The following ZNF780A variants were observed in gnomAD, a reference collection of about 807,000 sequenced individuals.
The protein encoded by ZNF780A is zinc finger protein 780A.
A neutral mutation model predicts 56.7 loss-of-function variants in ZNF780A; 40 were observed. The ratio of observed to expected loss-of-function variants is 0.71; its 90% CI spans 0.55 to 0.92. ZNF780A has a LOEUF of 0.92. ZNF780A is among the 40% of genes least tolerant of loss of function. The probability of loss-of-function intolerance (pLI) is 0.00; values close to 1 mark genes in which losing one functional copy is unlikely to be tolerated. For synonymous variants in ZNF780A, 231 were observed against 248.3 expected (o/e 0.93, Z 0.66); for missense variants, 672 against 783.3 (o/e 0.86, Z 1.70).
At chr19:40,073,020 T>C, downstream of ZNF780A, 1 of 1,514,952 alleles carries the variant, frequency 6.6e-7, no homozygotes, top group South Asian at 1.3e-5. Flanking sequence ...AATACTTTCC[T>C]TAACGGTAAT....
intron 5 of ZNF780A, among the ~76,000 whole-genome samples, chr19:40,080,202 T>A (rs1974393499): frequency 6.6e-6 from 1 of 152,166 alleles, no homozygotes; most frequent in Non-Finnish European, 1.5e-5. Flanking sequence ...ATGGCTTCAC[T>A]GCTGAATTCT....
intron 5 of ZNF780A, among the ~76,000 whole-genome samples, chr19:40,081,216 A>G (rs1357494044): frequency 7.3e-6 from 1 of 136,920 alleles, no homozygotes; most frequent in East Asian, 2.8e-4. Flanking sequence ...ATAACAGGAA[A>G]AAAAAAAAAA....
rs1343386246 is a variant in ZNF780A, at chr19:40,073,650, G to C, written c.*866C>G. 4 of 985,886 alleles carry C rather than the reference G, an allele frequency of 4.1e-6. No homozygotes were observed. In the African/African-American group the frequency reaches 7.0e-5, roughly 17 times the overall value. The allele number at this position is 985,886 out of a possible 1,614,324, so 61.1% of individuals were successfully genotyped here. ...TCCGAACTCTAAGGTATTTAGTGTGGCTATAAAACGCCCCACATTCCTTAC... is the reference window on the plus strand; with the variant it reads ...TCCGAACTCTAAGGTATTTAGTGTGCCTATAAAACGCCCCACATTCCTTAC... On this transcript the variant is annotated 3_prime_UTR_variant, in exon 6 of 6. Transcript: ENST00000683561.
In ZNF780A at chr19:40,089,646, A is replaced by ACACT. The variant is rs1555744838; in HGVS notation, c.-46+519_-46+520insAGTG. On this transcript the variant is annotated intron_variant, in intron 2 of 5. Coordinates refer to ENST00000683561, the MANE Select transcript of ZNF780A (RefSeq NM_001142578.2). ...CACACACACACACACACACACACTC[A>ACACT]CACACACACGCCTAAAACACAACTG... Among the ~76,000 whole-genome samples the ACACT allele has an allele frequency of 2.8e-4, 43 of 151,072 alleles. No individual in the cohort carries two copies. In the South Asian group the frequency reaches 8.4e-3, roughly 29 times the overall value.
chr19:40,072,632 C>T (rs532135379), downstream of ZNF780A: 16 of 651,152 alleles, frequency 2.5e-5, no homozygotes, highest in Non-Finnish European at 3.4e-5. Flanking sequence ...TCTGTTTTCA[C>T]TCTATTAAAT....
Position 40,074,523 on chromosome 19 carries a change from G to A in ZNF780A, c.1919C>T (p.Ala640Val), listed in dbSNP as rs1973961572. The change falls in exon 6 of 6, where the codon GCA becomes GTA. Residue 640 changes from alanine (A) to valine (V), a missense_variant. Physicochemically the swap from Ala to Val is moderately conservative, Grantham distance 64 (BLOSUM62 0). Transcript: ENST00000683561. ...TTTCCACATTCCTTACATTCAAGATGCCTTCTCACCTGTGTGAATGTTCTT... is the reference window on the plus strand; with the variant it reads ...TTTCCACATTCCTTACATTCAAGATACCTTCTCACCTGTGTGAATGTTCTT... ...RHKNIHTGEK[A>V]S 1 of 1,613,754 alleles carries A rather than the reference G, an allele frequency of 6.2e-7. No homozygotes were observed. The highest frequency in any genetic ancestry group is 8.5e-7 in the Non-Finnish European group (1 of 1,179,836).
intron 4 of ZNF780A, 92 bp downstream of exon 4, chr19:40,083,019 C>T (rs1008085563): frequency 1.0e-5 from 16 of 1,598,042 alleles, no homozygotes; most frequent in Non-Finnish European, 1.4e-5. Flanking sequence ...GGAATTCAGC[C>T]ACCTCTTAAA....
At chr19:40,083,540 T>G (rs1436335252) in intron 3 of ZNF780A, among the ~76,000 whole-genome samples, 1 of 152,194 alleles carries the variant, frequency 6.6e-6, no homozygotes, top group South Asian at 2.1e-4. Flanking sequence ...ATCACGTACC[T>G]GTAGTCCCAG....
At chr19:40,089,463 C>A in intron 2 of ZNF780A, 1 of 463,688 alleles carries the variant, frequency 2.2e-6, no homozygotes, top group Non-Finnish European at 3.7e-6. Context: ...CAAAAAACAA[C>A]AGTTAAAACA....
At chr19:40,081,086 C>G (rs1161489253) in intron 5 of ZNF780A, among the ~76,000 whole-genome samples, 3 of 151,630 alleles carry the variant, frequency 2.0e-5, no homozygotes, top group Non-Finnish European at 4.4e-5. Flanking sequence ...CAAAAATAGA[C>G]AAATGGGACT....
downstream of ZNF780A, chr19:40,072,923 G>T: frequency 1.3e-6 from 2 of 1,550,682 alleles, no homozygotes; most frequent in Non-Finnish European, 1.7e-6. Context: ...TTCTGCAATG[G>T]ATTCTCCTTT....
chr19:40,087,605 C>A (rs1974885101), intron 2 of ZNF780A, among the ~76,000 whole-genome samples: 1 of 152,044 alleles, frequency 6.6e-6, no homozygotes, highest in African/African-American at 2.4e-5. Context: ...CACAGGAACT[C>A]AGGTTAAGAA....
intron 5 of ZNF780A, among the ~76,000 whole-genome samples, chr19:40,080,888 A>T (rs1285163709): frequency 6.6e-6 from 1 of 152,324 alleles, no homozygotes; most frequent in East Asian, 1.9e-4. Context: ...GGATATCCGT[A>T]TGTGATAGAA....
At chr19:40,069,645 C>T (rs886876198), downstream of ZNF780A, 18 of 152,030 alleles carry the variant, frequency 1.2e-4, no homozygotes, top group African/African-American at 3.9e-4. Context: ...CATACTGATA[C>T]ACAAAACATG....
chr19:40,072,723 G>C, downstream of ZNF780A: 1 of 1,261,336 alleles, frequency 7.9e-7, no homozygotes, highest in Non-Finnish European at 1.0e-6. Context: ...TCTAACTCTG[G>C]TTGGTATCAC....
Position 40,073,535 on chromosome 19 carries a change from T to C in ZNF780A, c.*981A>G, listed in dbSNP as rs902510436. The C allele has an allele frequency of 4.1e-6, 4 of 985,806 alleles. No homozygotes were observed. In the African/African-American group the frequency reaches 7.0e-5, roughly 17 times the overall value. 61.1% of individuals were successfully genotyped at this position (985,806 alleles called of 1,614,324 possible). A position where few individuals can be genotyped will look rare whatever the true frequency, so the allele number is the denominator to read the frequency against. On this transcript the variant is annotated 3_prime_UTR_variant, in exon 6 of 6. Transcript: ENST00000683561. The stretch of plus-strand genomic sequence containing the variant: ...CACAATTCAGCGAGGTATGCCTGTA[T>C]CTGGTAAATTATTTCATAGGGAGTA...
downstream of ZNF780A, chr19:40,070,138 A>G (rs1352653685): frequency 1.3e-5 from 2 of 152,180 alleles, no homozygotes; most frequent in African/African-American, 4.8e-5. Context: ...GATGAAATAT[A>G]TTGTTTTAAA....
In ZNF780A at chr19:40,073,432, GA is replaced by G. The variant is rs1250548390; in HGVS notation, c.*1083del. On this transcript the variant is annotated 3_prime_UTR_variant, in exon 6 of 6. Coordinates refer to ENST00000683561, the MANE Select transcript of ZNF780A (RefSeq NM_001142578.2). ...ACATGAAATGCACACCTGACGTTGGGAAAATGGACCTGATCGTCTTGCTCAC... is the reference window on the plus strand; with the variant it reads ...ACATGAAATGCACACCTGACGTTGGGAAATGGACCTGATCGTCTTGCTCAC... The G allele has an allele frequency of 1.4e-6, 1 of 735,566 alleles. No homozygotes were observed. Among genetic ancestry groups the G allele is most frequent in the African/African-American group, 1.9e-5 (1 of 51,458 alleles). 45.6% of individuals were successfully genotyped at this position (735,566 alleles called of 1,614,324 possible). A position where few individuals can be genotyped will look rare whatever the true frequency, so the allele number is the denominator to read the frequency against.
At chr19:40,084,886 C>T in intron 2 of ZNF780A, 88 bp from the exon 3 acceptor site, 1 of 1,440,092 alleles carries the variant, frequency 6.9e-7, no homozygotes, top group Non-Finnish European at 9.4e-7. Context: ...TATTTCTCAA[C>T]TACTCCTGCT....
Sources: allele counts gnomAD v4.1 joint callset (sites outside exome capture counted in the v4.1 genomes callset), GRCh38; gene constraint gnomAD v4.1.1; transcripts MANE v1.5; gene names NCBI Gene and HGNC (gene_info 2026-07-23, HGNC 2026-07-21).